P2RX5: variants seen among roughly 807,000 people sequenced by gnomAD.
P2RX5 encodes P2X purinoceptor 5.
Under a neutral mutation model 54.1 loss-of-function variants are expected in P2RX5, and 46 were observed. The ratio of observed to expected loss-of-function variants is 0.85; its 90% CI spans 0.67 to 1.09. The LOEUF (loss-of-function observed/expected upper bound fraction) is 1.09. P2RX5 is among the 50% of genes least tolerant of loss of function. P2RX5 has a pLI of 0.00. For missense variants in P2RX5, 566 were observed against 549.8 expected (o/e 1.03, Z -0.29); for synonymous variants, 226 against 226.4 (o/e 1.00, Z 0.02).
chr17:3,702,195 C>T, the P2RX5 span, among the ~76,000 whole-genome samples: 8 of 152,084 alleles, frequency 5.3e-5, no homozygotes, highest in African/African-American at 1.9e-4. Context: ...ATTGTAAATG[C>T]ACCAATCAGC....
intron 9 of P2RX5, chr17:3,682,244 C>CTTT (rs1475218281): frequency 2.0e-6 from 1 of 494,974 alleles, no homozygotes; most frequent in African/African-American, 2.0e-5. Context: ...CCCATCCAAT[C>CTTT]GTTCCTTCAA....
upstream of P2RX5, among the ~76,000 whole-genome samples, chr17:3,700,363 T>C (rs568882947): frequency 2.0e-5 from 3 of 152,014 alleles, no homozygotes; most frequent in African/African-American, 4.8e-5. Flanking sequence ...TGAAACCCCC[T>C]CTCTATGAAA....
the P2RX5 span, among the ~76,000 whole-genome samples, chr17:3,707,479 A>G: frequency 6.6e-6 from 1 of 152,172 alleles, no homozygotes; most frequent in South Asian, 2.1e-4. Flanking sequence ...AGACTAAGAA[A>G]TCAAAAAGGT....
chr17:3,691,254 G>A (rs945502851), intron 2 of P2RX5, among the ~76,000 whole-genome samples: 2 of 152,226 alleles, frequency 1.3e-5, no homozygotes, highest in African/African-American at 2.4e-5. Flanking sequence ...CCCAGGATCC[G>A]GGAGAAGTGG....
chr17:3,713,074 T>A, the P2RX5 span, among the ~76,000 whole-genome samples: 7 of 152,090 alleles, frequency 4.6e-5, no homozygotes, highest in African/African-American at 1.4e-4. Context: ...AACAAAAGCA[T>A]AATAACAGGT....
intron 11 of P2RX5, chr17:3,675,538 A>T (rs1418596991): frequency 1.0e-6 from 1 of 984,190 alleles, no homozygotes. Flanking sequence ...ACCTAAGTGG[A>T]TCACCTGGAT....
rs574900608 is a variant in P2RX5 at position 3,678,016 on chromosome 17, G to A, written c.1259+1574C>T. ...CACAGACTCCTCTACCCAGTTCAGA[G>A]CTGCGGGTTGTTCTGGCCCCAAAGT... On this transcript the variant is annotated intron_variant, in intron 11 of 11. Transcript: ENST00000225328. 21 of 985,440 alleles carry A rather than the reference G, an allele frequency of 2.1e-5. No individual in the cohort carries two copies. In the South Asian group the frequency reaches 7.5e-4, roughly 35 times the overall value. 61.0% of individuals were successfully genotyped at this position (985,440 alleles called of 1,614,324 possible).
At position 3,690,382 on chromosome 17, in the gene P2RX5, C is replaced by T. The variant is rs374225136; in HGVS notation, c.533+45G>A. Reference sequence around the variant, plus strand: ...CACCCTCAGGCTGGGACCCACCGCACGGGGCTGGGAAACCCCTCAGGGTCC... The same window carrying T: ...CACCCTCAGGCTGGGACCCACCGCATGGGGCTGGGAAACCCCTCAGGGTCC... On this transcript the variant is annotated intron_variant, in intron 5 of 11. Coordinates refer to ENST00000225328, the MANE Select transcript of P2RX5 (RefSeq NM_002561.4). The T allele has an allele frequency of 4.4e-5, 65 of 1,464,116 alleles. No homozygotes were observed. In the African/African-American group the frequency reaches 4.6e-4, roughly 10 times the overall value. The allele number at this position is 1,464,116 out of a possible 1,614,324, so 90.7% of individuals were successfully genotyped here.
chr17:3,696,452 T>A (rs1395644173), upstream of P2RX5: 1 of 152,644 alleles, frequency 6.6e-6, no homozygotes, highest in Non-Finnish European at 1.5e-5. Context: ...TTATTTTAAA[T>A]TTATTTATTC....
chr17:3,722,134 G>A, the P2RX5 span, among the ~76,000 whole-genome samples: 1 of 149,264 alleles, frequency 6.7e-6, no homozygotes, highest in Admixed American at 6.6e-5. Flanking sequence ...AGCCGAGATC[G>A]TGCCATTGCA....
At chr17:3,680,465 C>T (rs368680820) in intron 10 of P2RX5, among the ~76,000 whole-genome samples, 2 of 113,108 alleles carry the variant, frequency 1.8e-5, no homozygotes, top group African/African-American at 4.2e-5. Flanking sequence ...GTCCTCCACC[C>T]AGTGTCCTCC....
At chr17:3,701,761 GT>G in the P2RX5 span, among the ~76,000 whole-genome samples, 6 of 84,436 alleles carry the variant, frequency 7.1e-5, no homozygotes, top group East Asian at 5.5e-4. Flanking sequence ...TTTTTTTTTT[GT>G]TTTTTTTTTT....
At chr17:3,719,991 G>A in the P2RX5 span, among the ~76,000 whole-genome samples, 1 of 152,152 alleles carries the variant, frequency 6.6e-6, no homozygotes, top group Non-Finnish European at 1.5e-5. Flanking sequence ...CTCCCAAAGT[G>A]CTAGGATTAC....
rs766328697 is a variant in P2RX5 at position 3,690,943 on chromosome 17, C to A, written c.360+13G>T. ...CTCCCACCCCCACGCCAGGGCCCCT[C>A]GCCAAATCAAACCTCAGCACAGACG... is the stretch of plus-strand genomic sequence containing the variant. On this transcript the variant is annotated intron_variant, in intron 3 of 11. Coordinates refer to ENST00000225328, the MANE Select transcript of P2RX5 (RefSeq NM_002561.4). The A allele has an allele frequency of 1.4e-5, 23 of 1,610,332 alleles. No individual in the cohort carries two copies. The Admixed American group carries it at 3.9e-4, about 27-fold the overall frequency.
the P2RX5 span, chr17:3,720,627 G>C: frequency 8.2e-6 from 3 of 366,544 alleles, no homozygotes; most frequent in Non-Finnish European, 1.5e-5. Flanking sequence ...TTTCGCCCAG[G>C]CTGGAGTGAA....
the P2RX5 span, chr17:3,716,832 G>C: frequency 7.9e-7 from 1 of 1,260,648 alleles, no homozygotes; most frequent in Non-Finnish European, 1.1e-6. Flanking sequence ...CAATAAATCA[G>C]GTGAAGCAAA....
At chr17:3,700,482 G>A (rs781508049), upstream of P2RX5, among the ~76,000 whole-genome samples, 1 of 151,292 alleles carries the variant, frequency 6.6e-6, no homozygotes, top group South Asian at 2.1e-4. Context: ...GCAGTAAGCC[G>A]AGACTGTGCC....
the P2RX5 span, chr17:3,721,711 C>T: frequency 6.6e-6 from 1 of 152,184 alleles, no homozygotes; most frequent in Non-Finnish European, 1.5e-5. Context: ...ATCACTAGTT[C>T]CCACTTTAGA....
the P2RX5 span, among the ~76,000 whole-genome samples, chr17:3,706,960 C>T: frequency 2.6e-5 from 4 of 152,236 alleles, no homozygotes; most frequent in Middle Eastern, 3.4e-3. Context: ...TTACAGCTAC[C>T]GCAGGTATCT....
Sources: gnomAD v4.1 joint callset for allele counts (sites outside exome capture counted in the v4.1 genomes callset) on GRCh38, gnomAD v4.1.1 for gene constraint, MANE v1.5 for transcripts, NCBI Gene and HGNC (gene_info 2026-07-23, HGNC 2026-07-21) for gene names.